NHLRC4: variants seen among roughly 807,000 people sequenced by gnomAD.
NHLRC4 encodes NHL-repeat-containing protein 4.
For missense variants in NHLRC4, 158 were observed against 155.4 expected, an observed-to-expected ratio of 1.02 and a Z score of -0.09; for synonymous variants, 73 against 69.0, an observed-to-expected ratio of 1.06 and a Z score of -0.29.
chr16:568,808 G>A lies in NHLRC4; in HGVS notation c.*389G>A, dbSNP rs2035573433. Reference sequence around the variant, plus strand: ...GGGCCAGCTGCCGGCACACAGCTAGGCAGACTCTCCCACCAGGTGCCCCTG... The same window carrying A: ...GGGCCAGCTGCCGGCACACAGCTAGACAGACTCTCCCACCAGGTGCCCCTG... On this transcript the variant is annotated 3_prime_UTR_variant, in exon 2 of 2. Transcript: ENST00000424439. 4 of 195,382 alleles carry A rather than the reference G, an allele frequency of 2.0e-5. No individual in the cohort carries two copies. The South Asian group carries it at 3.8e-4, about 19-fold the overall frequency. 12.1% of individuals were successfully genotyped at this position (195,382 alleles called of 1,614,324 possible).
In NHLRC4 at chr16:568,253, G is replaced by C. The variant is rs2035564705; in HGVS notation, c.206G>C (p.Arg69Thr). 6.2e-7 allele frequency: 1 copy of C among 1,612,350 alleles called. No individual in the cohort carries two copies. Among genetic ancestry groups the C allele is most frequent in the East Asian group, 2.2e-5 (1 of 44,848 alleles). Residue 69 changes from arginine (R) to threonine (T), a missense_variant, in exon 2 of 2, where the codon AGG (arginine) becomes ACG (threonine). Transcript: ENST00000424439. ...AATGTTATTGTGGCAGACGAGCAGAGGCGCCAGGTGACCCTGTTTCCCCGG... is the reference window on the plus strand; with the variant it reads ...AATGTTATTGTGGCAGACGAGCAGACGCGCCAGGTGACCCTGTTTCCCCGG... ...EGNVIVADEQRRQVTLFPRAG... is the reference protein window; with the variant it reads ...EGNVIVADEQTRQVTLFPRAG...
rs958542402 is a variant in NHLRC4 at position 567,046 on chromosome 16, C to T, written c.-607C>T. 1.9e-5 allele frequency: 3 copies of T among 154,466 alleles called. No individual in the cohort carries two copies. The highest frequency in any genetic ancestry group is 6.5e-5 in the Admixed American group (1 of 15,282). The allele number at this position is 154,466 out of a possible 1,614,324, so 9.6% of individuals were successfully genotyped here. On this transcript the variant is annotated 5_prime_UTR_variant, in exon 1 of 2. Coordinates refer to ENST00000424439, the MANE Select transcript of NHLRC4 (RefSeq NM_001301159.2). Reference sequence around the variant, plus strand: ...AACAGAGGCTGCAGCCACCCAGCCCCGAAGCAGGGCCCAGCGAGACAGGGC... The same window carrying T: ...AACAGAGGCTGCAGCCACCCAGCCCTGAAGCAGGGCCCAGCGAGACAGGGC...
chr16:568,025 G>A lies in NHLRC4; in HGVS notation c.-23G>A. The A allele has an allele frequency of 6.6e-7, 1 of 1,506,096 alleles. No homozygotes were observed. The highest frequency in any genetic ancestry group is 8.8e-7 in the Non-Finnish European group (1 of 1,133,930). The allele number at this position is 1,506,096 out of a possible 1,614,324, so 93.3% of individuals were successfully genotyped here. On this transcript the variant is annotated 5_prime_UTR_variant, in exon 2 of 2. Coordinates refer to ENST00000424439, the MANE Select transcript of NHLRC4 (RefSeq NM_001301159.2). Reference sequence around the variant, plus strand: ...CACAGCTTCTCGTTGGGTCCTGCTTGGGAGCCCCTGGCCCCAGCCTCCATG... The same window carrying A: ...CACAGCTTCTCGTTGGGTCCTGCTTAGGAGCCCCTGGCCCCAGCCTCCATG...
chr16:567,201 G>A (rs2035548579), intron 1 of NHLRC4, 126 bp downstream of exon 1: 1 of 152,360 alleles, frequency 6.6e-6, no homozygotes, highest in African/African-American at 2.4e-5. Flanking sequence ...GCTGTGTGTG[G>A]GTGACCGCCC....
chr16:568,284 G>A lies in NHLRC4; in HGVS notation c.237G>A (p.Gly79=), dbSNP rs757631775. Residue 79 remains glycine (G), a synonymous_variant, in exon 2 of 2, where the codon GGG becomes GGA. Coordinates refer to ENST00000424439, the MANE Select transcript of NHLRC4 (RefSeq NM_001301159.2). ...RRQVTLFPRA[G]PPICLVSEGL... ...AGGTGACCCTGTTTCCCCGGGCTGGGCCACCCATCTGCCTGGTGTCAGAGG... is the reference window on the plus strand; with the variant it reads ...AGGTGACCCTGTTTCCCCGGGCTGGACCACCCATCTGCCTGGTGTCAGAGG... The A allele has an allele frequency of 6.2e-7, 1 of 1,612,128 alleles. No homozygotes were observed. Among genetic ancestry groups the A allele is most frequent in the South Asian group, 1.1e-5 (1 of 91,026 alleles).
In NHLRC4 at chr16:568,005, C is replaced by T; in HGVS notation, c.-43C>T. On this transcript the variant is annotated 5_prime_UTR_variant, in exon 2 of 2. Transcript: ENST00000424439. ...ACTACTTGCCTGGGGCTGTGCACAG[C>T]TTCTCGTTGGGTCCTGCTTGGGAGC... 1 of 1,495,874 alleles carries T rather than the reference C, an allele frequency of 6.7e-7. No individual in the cohort carries two copies. The highest frequency in any genetic ancestry group is 8.8e-7 in the Non-Finnish European group (1 of 1,130,178). The allele number at this position is 1,495,874 out of a possible 1,614,324, so 92.7% of individuals were successfully genotyped here. A position where few individuals can be genotyped will look rare whatever the true frequency, so the allele number is the denominator to read the frequency against.
In NHLRC4 at chr16:568,092, TG is replaced by T; in HGVS notation, c.50del (p.Gly17AlafsTer4). 6.4e-7 allele frequency: 1 copy of T among 1,569,164 alleles called. No individual in the cohort carries two copies. Among genetic ancestry groups the T allele is most frequent in the Admixed American group, 1.8e-5 (1 of 56,004 alleles). On this transcript the variant is annotated frameshift_variant, in exon 2 of 2. Transcript: ENST00000424439. LOFTEE classifies it low-confidence loss of function (END_TRUNC). ...CCTGCTGGGTGGGCCCAGGGCCTGA[TG>T]GGGGCCTTGCTGTGAGTGAGGAGTT... ...GPCWVGPGPD[G>X]GLAVSEEFGD...
At position 567,075 on chromosome 16, in the gene NHLRC4, G is replaced by C. The variant is rs918328527; in HGVS notation, c.-578G>C. 2.1e-4 allele frequency: 32 copies of C among 154,626 alleles called. No individual in the cohort carries two copies. The highest frequency in any genetic ancestry group is 7.5e-4 in the African/African-American group (31 of 41,554). 9.6% of individuals were successfully genotyped at this position (154,626 alleles called of 1,614,324 possible). A position where few individuals can be genotyped will look rare whatever the true frequency, so the allele number is the denominator to read the frequency against. On this transcript the variant is annotated splice_region_variant and 5_prime_UTR_variant, in exon 1 of 2. Transcript: ENST00000424439. Reference sequence around the variant, plus strand: ...GCAGGGCCCAGCGAGACAGGGCCCAGGTAAGAGACCCCTCCCCCCGGCCTC... The same window carrying C: ...GCAGGGCCCAGCGAGACAGGGCCCACGTAAGAGACCCCTCCCCCCGGCCTC...
Position 568,265 on chromosome 16 carries a change from C to G in NHLRC4, c.218C>G (p.Thr73Ser), listed in dbSNP as rs765354461. 1.4e-5 allele frequency: 22 copies of G among 1,612,216 alleles called. No homozygotes were observed. The South Asian group carries it at 2.4e-4, about 18-fold the overall frequency. ...GCAGACGAGCAGAGGCGCCAGGTGA[C>G]CCTGTTTCCCCGGGCTGGGCCACCC... ...IVADEQRRQV[T>S]LFPRAGPPIC... The change falls in exon 2 of 2, where the codon ACC (threonine) becomes AGC (serine). Residue 73 changes from threonine (T) to serine (S), a missense_variant. Coordinates refer to ENST00000424439, the MANE Select transcript of NHLRC4 (RefSeq NM_001301159.2).
Position 567,902 on chromosome 16 carries a change from G to T in NHLRC4, c.-146G>T. On this transcript the variant is annotated 5_prime_UTR_variant, in exon 2 of 2. Transcript: ENST00000424439. The stretch of plus-strand genomic sequence containing the variant: ...CAGCACACAGCCCGGGACCCCGGGG[G>T]CCACTGGGTGACAGTGGGCACCTTC... 4 of 830,206 alleles carry T rather than the reference G, an allele frequency of 4.8e-6. No homozygotes were observed. The highest frequency in any genetic ancestry group is 7.3e-6 in the Non-Finnish European group (4 of 549,686). 51.4% of individuals were successfully genotyped at this position (830,206 alleles called of 1,614,324 possible).
At position 568,542 on chromosome 16, in the gene NHLRC4, C is replaced by T. The variant is rs1227836041; in HGVS notation, c.*123C>T. ...GGCTATGGGCATTGCCTGCCTGATG[C>T]CAGCACCACCTGGGCTGGGCCCTGG... On this transcript the variant is annotated 3_prime_UTR_variant, in exon 2 of 2. Transcript: ENST00000424439. The T allele has an allele frequency of 1.0e-5, 11 of 1,104,438 alleles. No homozygotes were observed. In the Admixed American group the frequency reaches 3.2e-4, roughly 32 times the overall value. The allele number at this position is 1,104,438 out of a possible 1,614,324, so 68.4% of individuals were successfully genotyped here.
Position 567,792 on chromosome 16 carries a change from G to C in NHLRC4, c.-256G>C. 2.1e-6 allele frequency: 1 copy of C among 478,000 alleles called. No individual in the cohort carries two copies. Among genetic ancestry groups the C allele is most frequent in the Admixed American group, 3.9e-5 (1 of 25,784 alleles). The allele number at this position is 478,000 out of a possible 1,614,324, so 29.6% of individuals were successfully genotyped here. A position where few individuals can be genotyped will look rare whatever the true frequency, so the allele number is the denominator to read the frequency against. On this transcript the variant is annotated 5_prime_UTR_variant, in exon 2 of 2. Transcript: ENST00000424439. ...TGCCCTGCCGCACTCCGGGGAGCGGGGCCTTCGTTCCAGAGGACGTGGCTG... is the reference window on the plus strand; with the variant it reads ...TGCCCTGCCGCACTCCGGGGAGCGGCGCCTTCGTTCCAGAGGACGTGGCTG...
chr16:568,560 G>A lies in NHLRC4; in HGVS notation c.*141G>A. On this transcript the variant is annotated 3_prime_UTR_variant, in exon 2 of 2. Coordinates refer to ENST00000424439, the MANE Select transcript of NHLRC4 (RefSeq NM_001301159.2). The stretch of plus-strand genomic sequence containing the variant: ...CCTGATGCCAGCACCACCTGGGCTG[G>A]GCCCTGGGCTTGGCTCGAGTTCTCC... 1 of 985,226 alleles carries A rather than the reference G, an allele frequency of 1.0e-6. No individual in the cohort carries two copies. Among genetic ancestry groups the A allele is most frequent in the Non-Finnish European group, 1.5e-6 (1 of 679,162 alleles). The allele number at this position is 985,226 out of a possible 1,614,324, so 61.0% of individuals were successfully genotyped here. A position where few individuals can be genotyped will look rare whatever the true frequency, so the allele number is the denominator to read the frequency against.
rs748858868 is a variant in NHLRC4 at position 568,399 on chromosome 16, G to A, written c.352G>A (p.Gly118Ser). ...GGACAACTCCATCAAGGTGTACCAGGGCCTCAAGGAGCTGGCCTGACCTGA... is the reference window on the plus strand; with the variant it reads ...GGACAACTCCATCAAGGTGTACCAGAGCCTCAAGGAGCTGGCCTGACCTGA... Reference protein sequence around the residue: ...AKDNSIKVYQGLKELA With the variant: ...AKDNSIKVYQSLKELA The change falls in exon 2 of 2, where the codon GGC (glycine) becomes AGC (serine). Residue 118 changes from glycine to serine, a missense_variant. By Grantham distance (56) the Gly-to-Ser change is moderately conservative. Coordinates refer to ENST00000424439, the MANE Select transcript of NHLRC4 (RefSeq NM_001301159.2). The A allele has an allele frequency of 3.1e-6, 5 of 1,611,234 alleles. No homozygotes were observed. In the Admixed American group the frequency reaches 6.7e-5, roughly 22 times the overall value.
At position 568,166 on chromosome 16, in the gene NHLRC4, TG is replaced by T; in HGVS notation, c.125del (p.Gly42AlafsTer31). 1.2e-6 allele frequency: 2 copies of T among 1,610,984 alleles called. No individual in the cohort carries two copies. Among genetic ancestry groups the T allele is most frequent in the Non-Finnish European group, 1.7e-6 (2 of 1,179,164 alleles). ...FGSARQPLGS[L>X]GGWTGHTFGC... The stretch of plus-strand genomic sequence containing the variant: ...AGTGCCCGCCAACCCCTGGGCTCCC[TG>T]GGGGGCTGGACGGGGCACACTTTCG... On this transcript the variant is annotated frameshift_variant, in exon 2 of 2. Transcript: ENST00000424439. LOFTEE classifies it low-confidence loss of function (END_TRUNC).
At chr16:567,376 C>T (rs908660071) in intron 1 of NHLRC4, 95 bp from the exon 2 acceptor site, 2 of 152,484 alleles carry the variant, frequency 1.3e-5, no homozygotes, top group African/African-American at 4.8e-5. Flanking sequence ...CTAGGGTGGC[C>T]GCTGGGCTTG....
chr16:567,791 G>T lies in NHLRC4; in HGVS notation c.-257G>T. On this transcript the variant is annotated 5_prime_UTR_variant, in exon 2 of 2. Transcript: ENST00000424439. ...CTGCCCTGCCGCACTCCGGGGAGCG[G>T]GGCCTTCGTTCCAGAGGACGTGGCT... 2.1e-6 allele frequency: 1 copy of T among 475,562 alleles called. No homozygotes were observed. Among genetic ancestry groups the T allele is most frequent in the Non-Finnish European group, 3.7e-6 (1 of 268,676 alleles). The allele number at this position is 475,562 out of a possible 1,614,324, so 29.5% of individuals were successfully genotyped here. A position where few individuals can be genotyped will look rare whatever the true frequency, so the allele number is the denominator to read the frequency against.
chr16:568,626 G>T lies in NHLRC4; in HGVS notation c.*207G>T, dbSNP rs1449277262. ...GGATCTCAGGAGCAGCCCTGAGTCT[G>T]CTTCCCAGGCTGCCCCTGCCAGGCC... On this transcript the variant is annotated 3_prime_UTR_variant, in exon 2 of 2. Transcript: ENST00000424439. 3 of 616,100 alleles carry T rather than the reference G, an allele frequency of 4.9e-6. No individual in the cohort carries two copies. The highest frequency in any genetic ancestry group is 8.5e-6 in the Non-Finnish European group (3 of 351,972). The allele number at this position is 616,100 out of a possible 1,614,324, so 38.2% of individuals were successfully genotyped here. A position where few individuals can be genotyped will look rare whatever the true frequency, so the allele number is the denominator to read the frequency against.
In NHLRC4 at chr16:568,411, CT is replaced by C. The variant is rs1219277315; in HGVS notation, c.365del (p.Leu122ArgfsTer61). On this transcript the variant is annotated frameshift_variant, in exon 2 of 2. Coordinates refer to ENST00000424439, the MANE Select transcript of NHLRC4 (RefSeq NM_001301159.2). LOFTEE classifies it high-confidence loss of function. ...SIKVYQGLKE[L>X]A is the part of the protein sequence containing the mutation. ...CAAGGTGTACCAGGGCCTCAAGGAGCTGGCCTGACCTGAGGCTGGGTTGGAG... is the reference window on the plus strand; with the variant it reads ...CAAGGTGTACCAGGGCCTCAAGGAGCGGCCTGACCTGAGGCTGGGTTGGAG... The C allele has an allele frequency of 4.4e-6, 7 of 1,609,016 alleles. No individual in the cohort carries two copies. The highest frequency in any genetic ancestry group is 5.9e-6 in the Non-Finnish European group (7 of 1,178,434).
Sources: allele counts gnomAD v4.1 joint callset, GRCh38; gene constraint gnomAD v4.1.1; transcripts MANE v1.5; gene names NCBI Gene and HGNC (gene_info 2026-07-23, HGNC 2026-07-21).